The following ITGAD variants were observed in gnomAD, a reference collection of about 807,000 sequenced individuals.
ITGAD encodes integrin alpha-D.
A neutral mutation model predicts 139.0 loss-of-function variants in ITGAD; 105 were observed. The observed-to-expected ratio is 0.76, with a 90% CI of 0.65 to 0.89. The LOEUF (loss-of-function observed/expected upper bound fraction) is 0.89, where lower values mean the gene tolerates loss of function less well. Ranked by LOEUF, ITGAD falls within the 40% of genes least tolerant of loss-of-function variation. The probability of loss-of-function intolerance (pLI) is 0.00; values close to 1 mark genes in which losing one functional copy is unlikely to be tolerated. For missense variants in ITGAD, 1,384 were observed against 1,487.3 expected, an observed-to-expected ratio of 0.93 and a Z score of 1.14; for synonymous variants, 569 against 598.3, an observed-to-expected ratio of 0.95 and a Z score of 0.71.
intron 21 of ITGAD, 27 bp from the exon 22 acceptor site, chr16:31,418,274 C>T (rs1182421678): frequency 1.2e-6 from 2 of 1,610,596 alleles, no homozygotes. Flanking sequence ...TCCTTTTATC[C>T]CCATTCTTTC....
chr16:31,411,491 T>C lies in ITGAD; in HGVS notation c.1681T>C (p.Ser561Pro), dbSNP rs555043054. ...AVYLFHGASE[S>P]GISPSHSQRI... is the part of the protein sequence containing the mutation. The stretch of plus-strand genomic sequence containing the variant: ...CTACCTGTTTCACGGAGCCTCAGAA[T>C]CCGGCATCAGCCCCTCCCACAGCCA... The change falls in exon 14 of 30, where the codon TCC (serine) becomes CCC (proline). Residue 561 changes from serine to proline, a missense_variant. By Grantham distance (74) the Ser-to-Pro change is moderately conservative. Coordinates refer to ENST00000389202, the MANE Select transcript of ITGAD (RefSeq NM_005353.3). 2,059 of 1,613,792 alleles carry C rather than the reference T, an allele frequency of 1.3e-3. 3 individuals are homozygous for C. Among genetic ancestry groups the C allele is most frequent in the Non-Finnish European group, 1.6e-3 (1,912 of 1,179,702 alleles).
At chr16:31,413,030 C>T (rs2142770010) in intron 15 of ITGAD, 59 bp from the exon 16 acceptor site, 4 of 1,605,812 alleles carry the variant, frequency 2.5e-6, no homozygotes. Flanking sequence ...GCTGCCTCCC[C>T]AGCCACGTTA....
At chr16:31,424,074 C>T (rs752091344) in intron 27 of ITGAD, 28 bp from the exon 28 acceptor site, 1 of 1,613,784 alleles carries the variant, frequency 6.2e-7, no homozygotes. Context: ...AGAGCCAGTT[C>T]CACAGGTTTC....
intron 2 of ITGAD, among the ~76,000 whole-genome samples, chr16:31,396,174 A>T (rs115138235): frequency 0.011 from 1,699 of 152,216 alleles, 30 homozygotes; most frequent in African/African-American, 0.039. Flanking sequence ...GCCACATTTT[A>T]AAAAAAGAAT....
intron 7 of ITGAD, among the ~76,000 whole-genome samples, chr16:31,406,700 T>C (rs2142706582): frequency 6.6e-6 from 1 of 152,088 alleles, no homozygotes; most frequent in East Asian, 1.9e-4. Flanking sequence ...CTTCCAAAAG[T>C]GCAAAAGCCG....
chr16:31,402,351 G>A (rs2081429774), intron 6 of ITGAD, 106 bp downstream of exon 6: 3 of 1,027,710 alleles, frequency 2.9e-6, no homozygotes, highest in Non-Finnish European at 4.3e-6. Context: ...TGTGTGATGG[G>A]GCTGGGGTGG....
intron 10 of ITGAD, among the ~76,000 whole-genome samples, chr16:31,409,867 G>A (rs1434616677): frequency 6.9e-6 from 1 of 145,340 alleles, no homozygotes; most frequent in African/African-American, 2.6e-5. Flanking sequence ...AGCGATGATT[G>A]TGCCACTGCA....
At chr16:31,423,994 C>T in intron 27 of ITGAD, 36 bp downstream of exon 27, 1 of 1,611,530 alleles carries the variant, frequency 6.2e-7, no homozygotes, top group Non-Finnish European at 8.5e-7. Context: ...CTGCCCCAGA[C>T]TCAGGCAGGA....
At chr16:31,413,740 G>A (rs1307230729) in intron 16 of ITGAD, among the ~76,000 whole-genome samples, 1 of 152,096 alleles carries the variant, frequency 6.6e-6, no homozygotes, top group East Asian at 1.9e-4. Context: ...TACTAGGCAC[G>A]CTTTTCGTAA....
At chr16:31,423,735 C>T in intron 26 of ITGAD, 87 bp downstream of exon 26, 7 of 1,517,188 alleles carry the variant, frequency 4.6e-6, no homozygotes, top group Non-Finnish European at 6.4e-6. Context: ...GAGTTCCGTG[C>T]ATGTCCTGTA....
intron 10 of ITGAD, among the ~76,000 whole-genome samples, chr16:31,410,116 T>A (rs11640184): frequency 6.6e-6 from 1 of 151,476 alleles, no homozygotes; most frequent in Non-Finnish European, 1.5e-5. Context: ...CCAGCAGGGG[T>A]GGCTGCACAT....
In ITGAD at chr16:31,407,873, C is replaced by T. The variant is rs1401108103; in HGVS notation, c.966C>T (p.Gly322=). The T allele has an allele frequency of 1.2e-6, 2 of 1,600,190 alleles. No individual in the cohort carries two copies. Among genetic ancestry groups the T allele is most frequent in the Non-Finnish European group, 1.7e-6 (2 of 1,168,532 alleles). The change falls in exon 9 of 30, where the codon GGC becomes GGT. Residue 322 remains glycine (G), a synonymous_variant. Transcript: ENST00000389202. ...AGGTGGACAACTTTGCAGCCCTTGGCAGCATCCAGAAGCAGCTGCAGGAGA... is the reference window on the plus strand; with the variant it reads ...AGGTGGACAACTTTGCAGCCCTTGGTAGCATCCAGAAGCAGCTGCAGGAGA... ...VFKVDNFAAL[G]SIQKQLQEKI... is the part of the protein sequence containing the mutation.
chr16:31,411,479 G>C lies in ITGAD; in HGVS notation c.1669G>C (p.Gly557Arg), dbSNP rs772879786. 49 of 1,613,984 alleles carry C rather than the reference G, an allele frequency of 3.0e-5. No homozygotes were observed. The highest frequency in any genetic ancestry group is 4.0e-5 in the Non-Finnish European group (47 of 1,180,016). ...ENRGAVYLFHGASESGISPSH... is the reference protein window; with the variant it reads ...ENRGAVYLFHRASESGISPSH... Reference sequence around the variant, plus strand: ...CCGGGGTGCTGTCTACCTGTTTCACGGAGCCTCAGAATCCGGCATCAGCCC... The same window carrying C: ...CCGGGGTGCTGTCTACCTGTTTCACCGAGCCTCAGAATCCGGCATCAGCCC... Residue 557 changes from glycine to arginine, a missense_variant, in exon 14 of 30, where the codon GGA becomes CGA. By Grantham distance (125) the Gly-to-Arg change is moderately radical. Transcript: ENST00000389202.
chr16:31,414,347 C>T, intron 16 of ITGAD, 104 bp from the exon 17 acceptor site: 1 of 1,252,236 alleles, frequency 8.0e-7, no homozygotes, highest in Non-Finnish European at 1.1e-6. Context: ...AGTTCATGGC[C>T]CATAGCAGTG....
Position 31,412,732 on chromosome 16 carries a change from C to T in ITGAD, c.1708-106C>T, listed in dbSNP as rs1301050101. 4.3e-6 allele frequency: 6 copies of T among 1,409,654 alleles called. No individual in the cohort carries two copies. The Admixed American group carries it at 8.8e-5, about 21-fold the overall frequency. The allele number at this position is 1,409,654 out of a possible 1,614,324, so 87.3% of individuals were successfully genotyped here. On this transcript the variant is annotated intron_variant, in intron 14 of 29. Transcript: ENST00000389202. ...TGGTGACATCTGTTCACAGCTCACCCCTTCTCTCCCTTTGCCACCATCCTA... is the reference window on the plus strand; with the variant it reads ...TGGTGACATCTGTTCACAGCTCACCTCTTCTCTCCCTTTGCCACCATCCTA...
intron 28 of ITGAD, 22 bp from the exon 29 acceptor site, chr16:31,424,445 T>C (rs764163948): frequency 1.9e-6 from 3 of 1,586,112 alleles, no homozygotes; most frequent in Non-Finnish European, 2.6e-6. Flanking sequence ...TGAGGCCGGA[T>C]GCTCTCTGAT....
At chr16:31,394,623 C>T (rs994931041) in intron 2 of ITGAD, among the ~76,000 whole-genome samples, 2 of 152,230 alleles carry the variant, frequency 1.3e-5, no homozygotes, top group Admixed American at 6.5e-5. Context: ...ACAGGGCCCA[C>T]ACTCATTAAC....
At position 31,394,579 on chromosome 16, in the gene ITGAD, G is replaced by A. The variant is rs565312722; in HGVS notation, c.137+238G>A. On this transcript the variant is annotated intron_variant, in intron 2 of 29. Transcript: ENST00000389202. ...AGGGAAGCCTTGAACCTGCCTCCCA[G>A]GCAGGGCCCACTTCTTGGGGCCAGT... 8.5e-5 allele frequency among the ~76,000 whole-genome samples: 13 copies of A among 152,326 alleles called. No homozygotes were observed. In the South Asian group the frequency reaches 2.7e-3, roughly 32 times the overall value.
At position 31,411,357 on chromosome 16, in the gene ITGAD, C is replaced by T; in HGVS notation, c.1547C>T (p.Pro516Leu). 1 of 1,613,852 alleles carries T rather than the reference C, an allele frequency of 6.2e-7. No homozygotes were observed. Among genetic ancestry groups the T allele is most frequent in the Non-Finnish European group, 8.5e-7 (1 of 1,179,914 alleles). The change falls in exon 14 of 30, where the codon CCC becomes CTC. Residue 516 changes from proline to leucine, a missense_variant. Coordinates refer to ENST00000389202, the MANE Select transcript of ITGAD (RefSeq NM_005353.3). ...GTTCTCCGTGGTGAGCAGGGCCACC[C>T]CTGGGGCCGCTTTGGGGCAGCCCTG... Reference protein sequence around the residue: ...DAVLRGEQGHPWGRFGAALTV... With the variant: ...DAVLRGEQGHLWGRFGAALTV...
Sources: allele counts gnomAD v4.1 joint callset (sites outside exome capture counted in the v4.1 genomes callset), GRCh38; gene constraint gnomAD v4.1.1; transcripts MANE v1.5; gene names NCBI Gene and HGNC (gene_info 2026-07-23, HGNC 2026-07-21).